Variants in PPARGC1A observed in about 807,000 individuals in gnomAD.
The protein encoded by PPARGC1A is PPARG coactivator 1 alpha.
Under a neutral mutation model 88.7 loss-of-function variants are expected in PPARGC1A, and 25 were observed. The ratio of observed to expected loss-of-function variants is 0.28; its 90% CI spans 0.21 to 0.39. PPARGC1A has a LOEUF of 0.39. PPARGC1A is among the 10% of genes least tolerant of loss of function. PPARGC1A has a pLI of 1.00. For synonymous variants in PPARGC1A, 363 were observed against 355.6 expected (o/e 1.02, Z -0.24); for missense variants, 880 against 968.7 (o/e 0.91, Z 1.22).
chr4:24,009,107 T>G, the PPARGC1A span, among the ~76,000 whole-genome samples: 7 of 126,364 alleles, frequency 5.5e-5, no homozygotes, highest in African/African-American at 1.6e-4. Context: ...GTGTGAAATA[T>G]TTGCTGCAAT....
the PPARGC1A span, chr4:24,091,592 G>C: frequency 1.0e-6 from 1 of 985,330 alleles, no homozygotes; most frequent in Non-Finnish European, 1.2e-6. Context: ...CTCTCTCCTT[G>C]CAAGCTTTTA....
the PPARGC1A span, among the ~76,000 whole-genome samples, chr4:24,106,495 T>C: frequency 6.6e-5 from 10 of 152,096 alleles, no homozygotes; most frequent in African/African-American, 2.4e-4. Context: ...AAGCCCAGGG[T>C]CTTTCAAGAA....
chr4:24,331,951 C>T, the PPARGC1A span, among the ~76,000 whole-genome samples: 1,447 of 151,930 alleles, frequency 9.5e-3, 17 homozygotes, highest in African/African-American at 0.022. Context: ...AACCCCTTGA[C>T]AGGCCCCGGT....
the PPARGC1A span, among the ~76,000 whole-genome samples, chr4:23,958,189 C>T: frequency 7.9e-5 from 12 of 152,086 alleles, no homozygotes; most frequent in East Asian, 1.7e-3. Context: ...AAGCACTGGG[C>T]GATTTTTACA....
the PPARGC1A span, among the ~76,000 whole-genome samples, chr4:24,251,838 T>C: frequency 6.6e-6 from 1 of 152,190 alleles, no homozygotes; most frequent in Non-Finnish European, 1.5e-5. Context: ...CAAGAGTTCA[T>C]TACAGTGTCC....
chr4:24,330,379 AGACTGCAGGGAGGAAACTCGAGCT>A, the PPARGC1A span, among the ~76,000 whole-genome samples: 4 of 152,200 alleles, frequency 2.6e-5, no homozygotes, highest in African/African-American at 9.7e-5. Flanking sequence ...GACTCCCCTG[AGACTGCAGGGAGGAAACTCGAGCT>A]GGTTGCAGGG....
At chr4:24,272,957 A>G in the PPARGC1A span, among the ~76,000 whole-genome samples, 1 of 152,232 alleles carries the variant, frequency 6.6e-6, no homozygotes, top group African/African-American at 2.4e-5. Flanking sequence ...ATTAAAAACC[A>G]TTTTAAAGGG....
chr4:24,229,669 CA>C, the PPARGC1A span, among the ~76,000 whole-genome samples: 3 of 148,566 alleles, frequency 2.0e-5, no homozygotes, highest in African/African-American at 5.0e-5. Flanking sequence ...CCTGTCTCTA[CA>C]TAAAATAAAG....
chr4:24,407,270 A>G, the PPARGC1A span, among the ~76,000 whole-genome samples: 1 of 152,056 alleles, frequency 6.6e-6, no homozygotes, highest in Non-Finnish European at 1.5e-5. Flanking sequence ...ATTTGAAAAT[A>G]TTTTCTTTAA....
the PPARGC1A span, among the ~76,000 whole-genome samples, chr4:24,287,855 T>C: frequency 6.6e-6 from 1 of 152,196 alleles, no homozygotes; most frequent in Non-Finnish European, 1.5e-5. Context: ...GCTCCTGACC[T>C]GTCTGGTTCT....
At chr4:24,158,493 C>G in the PPARGC1A span, among the ~76,000 whole-genome samples, 1 of 152,176 alleles carries the variant, frequency 6.6e-6, no homozygotes, top group Non-Finnish European at 1.5e-5. Context: ...TTTAAAATCG[C>G]TCACTTCCCT....
the PPARGC1A span, among the ~76,000 whole-genome samples, chr4:24,274,038 CG>C: frequency 8.6e-5 from 13 of 151,380 alleles, no homozygotes; most frequent in African/African-American, 3.2e-4. Flanking sequence ...CGTGCCTGGC[CG>C]GGGCACTTTT....
At chr4:23,963,406 A>G in the PPARGC1A span, among the ~76,000 whole-genome samples, 1 of 152,192 alleles carries the variant, frequency 6.6e-6, no homozygotes, top group Non-Finnish European at 1.5e-5. Context: ...GAACTTTCAG[A>G]GTGCTCAGCA....
chr4:24,122,680 T>C, the PPARGC1A span, among the ~76,000 whole-genome samples: 2 of 151,884 alleles, frequency 1.3e-5, no homozygotes, highest in African/African-American at 4.8e-5. Flanking sequence ...ATTAGAGAGA[T>C]GTAATAAGTT....
the PPARGC1A span, among the ~76,000 whole-genome samples, chr4:23,973,955 A>G: frequency 1.3e-4 from 20 of 151,934 alleles, no homozygotes; most frequent in South Asian, 3.5e-3. Flanking sequence ...AAAAAATAAT[A>G]AAAAATAAAA....
chr4:24,093,825 T>C, the PPARGC1A span, among the ~76,000 whole-genome samples: 1 of 152,342 alleles, frequency 6.6e-6, no homozygotes, highest in South Asian at 2.1e-4. Flanking sequence ...TCTGTGTCCC[T>C]GGGCAGGTTA....
At chr4:24,174,947 T>A in the PPARGC1A span, among the ~76,000 whole-genome samples, 2 of 152,216 alleles carry the variant, frequency 1.3e-5, no homozygotes, top group Admixed American at 6.5e-5. Context: ...GAAAATGCCC[T>A]AAGAATGCTG....
At chr4:24,389,404 G>A in the PPARGC1A span, among the ~76,000 whole-genome samples, 6 of 152,094 alleles carry the variant, frequency 3.9e-5, no homozygotes, top group Non-Finnish European at 8.8e-5. Flanking sequence ...TCAAATTCAA[G>A]CTCCACATTA....
At chr4:24,158,598 A>G in the PPARGC1A span, among the ~76,000 whole-genome samples, 1 of 152,240 alleles carries the variant, frequency 6.6e-6, no homozygotes, top group East Asian at 1.9e-4. Context: ...TAAGTTAACA[A>G]GCAGATGAAT....
Sources: gnomAD v4.1 joint callset for allele counts (sites outside exome capture counted in the v4.1 genomes callset) on GRCh38, gnomAD v4.1.1 for gene constraint, MANE v1.5 for transcripts, NCBI Gene and HGNC (gene_info 2026-07-23, HGNC 2026-07-21) for gene names.